SCAMP1: variants seen among roughly 807,000 people sequenced by gnomAD.
SCAMP1 encodes secretory carrier-associated membrane protein 1.
Under a neutral mutation model 41.8 loss-of-function variants are expected in SCAMP1, and 15 were observed. That is an observed-to-expected ratio of 0.36 (90% confidence interval 0.24 to 0.55). SCAMP1 has a LOEUF of 0.55. Among genes scored for constraint, SCAMP1 ranks in the 20% least tolerant of loss-of-function variants. The pLI, the probability that SCAMP1 is intolerant of heterozygous loss-of-function variation, is 0.86. For synonymous variants in SCAMP1, 135 were observed against 136.8 expected (o/e 0.99, Z 0.09); for missense variants, 341 against 412.6 (o/e 0.83, Z 1.50).
In SCAMP1 at chr5:78,443,212, C is replaced by CAAA. The variant is rs398051015; in HGVS notation, c.633-6698_633-6696dup. Among the ~76,000 whole-genome samples, 42 of 66,044 alleles carry CAAA rather than the reference C, an allele frequency of 6.4e-4. 1 individual carries two copies. Among genetic ancestry groups the CAAA allele is most frequent in the African/African-American group, 1.2e-3 (21 of 17,086 alleles). 43.3% of individuals were successfully genotyped at this position (66,044 alleles called of 152,430 possible). A position where few individuals can be genotyped will look rare whatever the true frequency, so the allele number is the denominator to read the frequency against. On this transcript the variant is annotated intron_variant, in intron 6 of 8. Transcript: ENST00000621999. Reference sequence around the variant, plus strand: ...TGGGCAACAGAGCTAGACTCTGTCTCAAAAAAAAAAAAAAAAAAAAAAAAA... The same window carrying CAAA: ...TGGGCAACAGAGCTAGACTCTGTCTCAAAAAAAAAAAAAAAAAAAAAAAAAAAA...
chr5:78,436,975 T>G (rs1223057880), intron 6 of SCAMP1, among the ~76,000 whole-genome samples: 4 of 152,208 alleles, frequency 2.6e-5, no homozygotes, highest in Non-Finnish European at 4.4e-5. Flanking sequence ...TATTTTATTC[T>G]CTTTGTAGCA....
At chr5:78,370,222 G>A (rs1242764927) in intron 1 of SCAMP1, among the ~76,000 whole-genome samples, 2 of 152,246 alleles carry the variant, frequency 1.3e-5, no homozygotes, top group East Asian at 1.9e-4. Flanking sequence ...AGTTAAGCCT[G>A]TATTTAGACC....
intron 2 of SCAMP1, among the ~76,000 whole-genome samples, chr5:78,414,787 C>T (rs941680505): frequency 5.3e-5 from 8 of 152,046 alleles, no homozygotes; most frequent in East Asian, 3.9e-4. Context: ...TCTCTCCTTA[C>T]GCCTTCCCTT....
chr5:78,399,820 T>C (rs980681912), intron 2 of SCAMP1, among the ~76,000 whole-genome samples: 1 of 152,232 alleles, frequency 6.6e-6, no homozygotes, highest in African/African-American at 2.4e-5. Context: ...ATTATTTCTT[T>C]CAGGGATCAT....
rs1580729431 is a variant in SCAMP1 at position 78,480,591 on chromosome 5, A to G, written c.*4923A>G. On this transcript the variant is annotated 3_prime_UTR_variant, in exon 9 of 9. Transcript: ENST00000621999. The stretch of plus-strand genomic sequence containing the variant: ...ATCACTGTGGTATCTACAGTATTCT[A>G]GTCTCCTGCACAAAAACTGAACCCA... Among the ~76,000 whole-genome samples the G allele has an allele frequency of 6.6e-6, 1 of 152,334 alleles. No individual in the cohort carries two copies. The highest frequency in any genetic ancestry group is 1.9e-4 in the East Asian group (1 of 5,188).
chr5:78,454,619 A>T (rs201695356), intron 7 of SCAMP1, among the ~76,000 whole-genome samples: 8,175 of 152,164 alleles, frequency 0.054, 423 homozygotes, highest in East Asian at 0.3. Context: ...GTCAATGTTC[A>T]TCAAGGATAT....
chr5:78,456,772 CAG>C (rs910818886), intron 7 of SCAMP1, among the ~76,000 whole-genome samples: 5 of 142,056 alleles, frequency 3.5e-5, no homozygotes, highest in African/African-American at 1.4e-4. Flanking sequence ...TAATATCCTG[CAG>C]AGTGTTTTCC....
chr5:78,370,732 T>G (rs537066840), intron 1 of SCAMP1: 13 of 152,350 alleles, frequency 8.5e-5, no homozygotes, highest in African/African-American at 3.1e-4. Flanking sequence ...GTAACTCTGT[T>G]TAATCATGGA....
intron 2 of SCAMP1, among the ~76,000 whole-genome samples, chr5:78,394,141 G>A (rs978416513): frequency 5.9e-5 from 9 of 152,156 alleles, no homozygotes; most frequent in African/African-American, 2.2e-4. Flanking sequence ...GACAGTGTGA[G>A]GGGGTATGCC....
Position 78,462,434 on chromosome 5 carries a change from A to G in SCAMP1, c.852+3072A>G, listed in dbSNP as rs1009244454. 7.4e-4 allele frequency among the ~76,000 whole-genome samples: 113 copies of G among 152,228 alleles called. 1 individual carries two copies. The highest frequency in any genetic ancestry group is 2.6e-3 in the African/African-American group (106 of 41,538). On this transcript the variant is annotated intron_variant, in intron 8 of 8. Transcript: ENST00000621999. ...AGCCTCTACCTCCTGGGTTCAAGCA[A>G]TTCTCATGTTTTAGCCTCCTGAGTA... is the stretch of plus-strand genomic sequence containing the variant.
intron 7 of SCAMP1, among the ~76,000 whole-genome samples, 169 bp downstream of exon 7, chr5:78,450,203 A>G (rs1753185111): frequency 6.6e-6 from 1 of 152,212 alleles, no homozygotes; most frequent in African/African-American, 2.4e-5. Flanking sequence ...ACTTTGGACA[A>G]ACCTGTGTCT....
At chr5:78,394,853 C>A (rs1037683640) in intron 2 of SCAMP1, among the ~76,000 whole-genome samples, 1 of 152,210 alleles carries the variant, frequency 6.6e-6, no homozygotes, top group Non-Finnish European at 1.5e-5. Context: ...CTAACAGCTT[C>A]TTTTCCTACA....
intron 7 of SCAMP1, among the ~76,000 whole-genome samples, chr5:78,450,875 G>A (rs956099593): frequency 1.3e-5 from 2 of 152,244 alleles, no homozygotes; most frequent in Middle Eastern, 3.4e-3. Flanking sequence ...GACAACTCCT[G>A]GCAGTTCTGC....
rs1008207297 is a variant in SCAMP1, at chr5:78,422,016, G to A, written c.632+56G>A. 16 of 1,416,226 alleles carry A rather than the reference G, an allele frequency of 1.1e-5. No homozygotes were observed. In the Admixed American group the frequency reaches 1.2e-4, roughly 11 times the overall value. 87.7% of individuals were successfully genotyped at this position (1,416,226 alleles called of 1,614,324 possible). ...TTAAAACCTGTGAAGTAAATAATTCGTAGTATACATTAAAGGGAAAATTGA... is the reference window on the plus strand; with the variant it reads ...TTAAAACCTGTGAAGTAAATAATTCATAGTATACATTAAAGGGAAAATTGA... On this transcript the variant is annotated intron_variant, in intron 6 of 8. Coordinates refer to ENST00000621999, the MANE Select transcript of SCAMP1 (RefSeq NM_004866.6).
intron 6 of SCAMP1, among the ~76,000 whole-genome samples, chr5:78,440,023 C>T (rs911219768): frequency 2.0e-5 from 3 of 152,174 alleles, no homozygotes; most frequent in Non-Finnish European, 2.9e-5. Context: ...GCATGAATCA[C>T]ATAGTTCTCG....
intron 2 of SCAMP1, among the ~76,000 whole-genome samples, chr5:78,414,317 C>T (rs1004380770): frequency 4.0e-5 from 6 of 151,876 alleles, no homozygotes; most frequent in African/African-American, 1.5e-4. Flanking sequence ...GAGTCTTGCT[C>T]TGTCTCCCAG....
chr5:78,377,575 G>A (rs1341957270), intron 1 of SCAMP1, among the ~76,000 whole-genome samples: 6 of 152,170 alleles, frequency 3.9e-5, no homozygotes, highest in Non-Finnish European at 8.8e-5. Flanking sequence ...ATAGGGTCAC[G>A]TGACACAAAG....
intron 2 of SCAMP1, among the ~76,000 whole-genome samples, chr5:78,392,640 T>G (rs1751549412): frequency 6.6e-6 from 1 of 152,372 alleles, no homozygotes; most frequent in East Asian, 1.9e-4. Context: ...CAATTTACAA[T>G]GAAACACTTC....
chr5:78,398,431 T>G (rs1420449966), intron 2 of SCAMP1, among the ~76,000 whole-genome samples: 1 of 141,380 alleles, frequency 7.1e-6, no homozygotes, highest in Non-Finnish European at 1.5e-5. Context: ...GTGGCATGAA[T>G]GTAGCTTACT....
Sources: allele counts gnomAD v4.1 joint callset (sites outside exome capture counted in the v4.1 genomes callset), GRCh38; gene constraint gnomAD v4.1.1; transcripts MANE v1.5; gene names NCBI Gene and HGNC (gene_info 2026-07-23, HGNC 2026-07-21).